Variants in GREB1 observed in about 807,000 individuals in gnomAD.
GREB1 encodes protein GREB1.
A neutral mutation model predicts 200.7 loss-of-function variants in GREB1; 106 were observed. That is an observed-to-expected ratio of 0.53 (90% CI 0.45 to 0.62). GREB1 has a LOEUF of 0.62. GREB1 is among the 20% of genes least tolerant of loss of function. GREB1 has a pLI of 0.00. For missense variants in GREB1, 2,243 were observed against 2,556.8 expected, an observed-to-expected ratio of 0.88 and a Z score of 2.65; for synonymous variants, 1,132 against 1,092.4, an observed-to-expected ratio of 1.04 and a Z score of -0.72.
At chr2:11,584,045 G>A (rs1283914733) in intron 7 of GREB1, among the ~76,000 whole-genome samples, 2 of 152,112 alleles carry the variant, frequency 1.3e-5, no homozygotes, top group Non-Finnish European at 2.9e-5. Flanking sequence ...TTCTCCACCC[G>A]GGCTGTGCGT....
chr2:11,642,377 C>T lies in GREB1; in HGVS notation c.*1923C>T, dbSNP rs1202489648. On this transcript the variant is annotated 3_prime_UTR_variant, in exon 33 of 33. Transcript: ENST00000381486. The stretch of plus-strand genomic sequence containing the variant: ...TCCTGGCCTCAGGTGATCTGCCCAC[C>T]TCATCCTCCAAAAGTGCTGGGATTA... The T allele has an allele frequency of 2.6e-5, 4 of 152,014 alleles. No individual in the cohort carries two copies. The highest frequency in any genetic ancestry group is 5.9e-5 in the Non-Finnish European group (4 of 68,010). 9.4% of individuals were successfully genotyped at this position (152,014 alleles called of 1,614,324 possible).
chr2:11,599,306 G>A (rs1040703549), intron 15 of GREB1, among the ~76,000 whole-genome samples: 14 of 151,296 alleles, frequency 9.3e-5, no homozygotes, highest in African/African-American at 2.4e-4. Context: ...CTCTGGTACC[G>A]TGGGTCACCA....
At chr2:11,593,677 C>G (rs978414219) in intron 11 of GREB1, among the ~76,000 whole-genome samples, 2 of 152,184 alleles carry the variant, frequency 1.3e-5, no homozygotes, top group African/African-American at 4.8e-5. Flanking sequence ...CCATGTCACC[C>G]AGGCTGGTCT....
chr2:11,632,298 T>C (rs559600382), intron 27 of GREB1, among the ~76,000 whole-genome samples, 185 bp downstream of exon 27: 1 of 152,264 alleles, frequency 6.6e-6, no homozygotes, highest in African/African-American at 2.4e-5. Context: ...AGTGTTTGGT[T>C]ATCCATTTAA....
intron 32 of GREB1, among the ~76,000 whole-genome samples, chr2:11,639,028 A>T (rs1424144634): frequency 6.6e-6 from 1 of 152,168 alleles, no homozygotes; most frequent in Non-Finnish European, 1.5e-5. Context: ...TAGAGGCAAG[A>T]CACATCCCCC....
At chr2:11,565,309 C>T (rs1436988688) in intron 3 of GREB1, among the ~76,000 whole-genome samples, 1 of 152,246 alleles carries the variant, frequency 6.6e-6, no homozygotes. Flanking sequence ...TGGCCCCATG[C>T]CTGCCAGCGT....
At chr2:11,620,457 C>A (rs1056213462) in intron 22 of GREB1, among the ~76,000 whole-genome samples, 2 of 152,052 alleles carry the variant, frequency 1.3e-5, no homozygotes, top group Non-Finnish European at 2.9e-5. Flanking sequence ...GAAAGTTGTT[C>A]TTTTCCTGGG....
chr2:11,486,002 G>C (rs1314499202), intron 1 of GREB1, among the ~76,000 whole-genome samples: 3 of 152,168 alleles, frequency 2.0e-5, no homozygotes, highest in Non-Finnish European at 4.4e-5. Context: ...TAAAGGAAAG[G>C]CTGTGGGATG....
Position 11,580,777 on chromosome 2 carries a change from G to A in GREB1, c.846G>A (p.Lys282=). 3 of 1,614,244 alleles carry A rather than the reference G, an allele frequency of 1.9e-6. No individual in the cohort carries two copies. Among genetic ancestry groups the A allele is most frequent in the Non-Finnish European group, 2.5e-6 (3 of 1,180,040 alleles). ...TTTTCAACGGCAAAGATTCCCCGAA[G>A]TGCCAACAACTGGCAAAGAATAACC... ...PAVFNGKDSP[K]CQQLAKNNLL... The change falls in exon 7 of 33, where the codon AAG becomes AAA. Residue 282 remains lysine, a synonymous_variant. Coordinates refer to ENST00000381486, the MANE Select transcript of GREB1 (RefSeq NM_014668.4). The surrounding 1 kb of genome is among the most constrained non-coding windows in gnomAD (Gnocchi z 4.5).
chr2:11,545,949 G>A (rs113764028), intron 1 of GREB1, among the ~76,000 whole-genome samples: 3 of 152,238 alleles, frequency 2.0e-5, no homozygotes, highest in South Asian at 2.1e-4. Flanking sequence ...AGGCTGAGGC[G>A]GGTGGATCAC....
At chr2:11,602,639 CT>C in intron 17 of GREB1, 97 bp downstream of exon 17, 9 of 1,023,658 alleles carry the variant, frequency 8.8e-6, no homozygotes, top group Non-Finnish European at 1.4e-5. Flanking sequence ...GAAGGGAGGC[CT>C]TTCCTTCCTG....
At chr2:11,525,496 C>CA (rs764748651) in intron 1 of GREB1, among the ~76,000 whole-genome samples, 1,936 of 49,082 alleles carry the variant, frequency 0.039, 30 homozygotes, top group Middle Eastern at 0.057. Context: ...GACTCCATCT[C>CA]AAAAAAAAAA....
chr2:11,567,417 G>A (rs1345076333), intron 4 of GREB1, among the ~76,000 whole-genome samples: 3 of 152,158 alleles, frequency 2.0e-5, no homozygotes, highest in Non-Finnish European at 4.4e-5. Context: ...GAGCCACCAC[G>A]CCCAGCCAAG....
At chr2:11,515,001 T>C (rs1316957885) in intron 1 of GREB1, among the ~76,000 whole-genome samples, 1 of 149,456 alleles carries the variant, frequency 6.7e-6, no homozygotes, top group African/African-American at 2.5e-5. Context: ...CATGTGTCCA[T>C]CCTCTCATCT....
chr2:11,576,997 T>C (rs1678926848), intron 5 of GREB1, among the ~76,000 whole-genome samples: 1 of 151,902 alleles, frequency 6.6e-6, no homozygotes, highest in South Asian at 2.1e-4. Context: ...ATGGTGCCAC[T>C]GCACTCCAGC....
intron 25 of GREB1, among the ~76,000 whole-genome samples, chr2:11,628,419 C>G (rs372533329): frequency 3.3e-5 from 5 of 152,254 alleles, no homozygotes; most frequent in African/African-American, 1.2e-4. Flanking sequence ...ACTGGCCTCT[C>G]TTTCCATCCC....
intron 23 of GREB1, among the ~76,000 whole-genome samples, chr2:11,624,381 G>C (rs373593339): frequency 1.6e-5 from 2 of 121,540 alleles, no homozygotes; most frequent in African/African-American, 3.3e-5. Flanking sequence ...TTTTGTGCTT[G>C]TCACCCAGGT....
chr2:11,507,538 C>T (rs1673218351), intron 1 of GREB1, among the ~76,000 whole-genome samples: 2 of 152,118 alleles, frequency 1.3e-5, no homozygotes, highest in South Asian at 4.1e-4. Flanking sequence ...TATCAAGAAA[C>T]CAAGAGTGAA....
intron 4 of GREB1, among the ~76,000 whole-genome samples, chr2:11,573,589 G>A (rs1020974146): frequency 5.3e-5 from 8 of 152,114 alleles, no homozygotes; most frequent in South Asian, 2.1e-4. Context: ...TCCCAGGGCC[G>A]GTTGGGAAGC....
Sources: allele counts gnomAD v4.1 joint callset (sites outside exome capture counted in the v4.1 genomes callset), GRCh38; gene constraint gnomAD v4.1.1; non-coding constraint Gnocchi (gnomAD v3.1); transcripts MANE v1.5; gene names NCBI Gene and HGNC (gene_info 2026-07-23, HGNC 2026-07-21).